Variants in FOCAD observed in about 807,000 individuals in gnomAD.
FOCAD encodes focadhesin.
Under a neutral mutation model 225.6 loss-of-function variants are expected in FOCAD, and 198 were observed. The observed-to-expected ratio is 0.88, with a 90% CI of 0.78 to 0.99. The LOEUF is 0.99. Among genes scored for constraint, FOCAD ranks in the 50% least tolerant of loss-of-function variants. The pLI, the probability that FOCAD is intolerant of heterozygous loss-of-function variation, is 0.00. For missense variants in FOCAD, 2,713 were observed against 2,123.6 expected (o/e 1.28, Z -5.46); for synonymous variants, 897 against 755.0 (o/e 1.19, Z -3.08).
upstream of FOCAD, among the ~76,000 whole-genome samples, chr9:20,656,074 T>C (rs573855507): frequency 7.7e-4 from 117 of 151,424 alleles, no homozygotes; most frequent in Admixed American, 1.4e-3. Flanking sequence ...AGTTTCCATG[T>C]AGTTGAGCGG....
At chr9:20,906,241 T>C (rs1400387068) in intron 21 of FOCAD, among the ~76,000 whole-genome samples, 1 of 152,040 alleles carries the variant, frequency 6.6e-6, no homozygotes, top group Non-Finnish European at 1.5e-5. Flanking sequence ...AGAATATTAA[T>C]TCTTATAATA....
intron 35 of FOCAD, chr9:20,957,573 C>T (rs567689079): frequency 7.2e-6 from 1 of 138,686 alleles, no homozygotes; most frequent in East Asian, 2.2e-4. Flanking sequence ...CTCCCAGGCT[C>T]AAGTGATTGG....
chr9:20,723,917 TACAGTCACGGTGGAAGGCAAAGA>T (rs1347704494), intron 4 of FOCAD, among the ~76,000 whole-genome samples: 2 of 152,140 alleles, frequency 1.3e-5, no homozygotes, highest in Non-Finnish European at 2.9e-5. Flanking sequence ...TCAGGAAGCT[TACAGTCACGGTGGAAGGCAAAGA>T]GGGAGCAGGC....
At chr9:20,984,001 C>T (rs1482343717) in intron 39 of FOCAD, among the ~76,000 whole-genome samples, 1 of 152,180 alleles carries the variant, frequency 6.6e-6, no homozygotes, top group East Asian at 1.9e-4. Context: ...TGCTGTTACT[C>T]GCTTGAGTTT....
chr9:20,846,305 C>T (rs1827104242), intron 15 of FOCAD, among the ~76,000 whole-genome samples: 1 of 152,106 alleles, frequency 6.6e-6, no homozygotes, highest in African/African-American at 2.4e-5. Context: ...TTAGGCTGCA[C>T]AGAATCAAAG....
chr9:20,657,054 T>C (rs1261607669), upstream of FOCAD, among the ~76,000 whole-genome samples: 6 of 152,198 alleles, frequency 3.9e-5, no homozygotes, highest in African/African-American at 1.2e-4. Context: ...TTTGGCTGGA[T>C]ATGAAATTCT....
At chr9:20,715,103 C>T (rs963163938) in intron 1 of FOCAD, among the ~76,000 whole-genome samples, 1 of 152,088 alleles carries the variant, frequency 6.6e-6, no homozygotes, top group Non-Finnish European at 1.5e-5. Flanking sequence ...TGGGAAAAAC[C>T]AAGAGCTGTT....
intron 5 of FOCAD, among the ~76,000 whole-genome samples, chr9:20,746,936 C>A (rs983035979): frequency 1.3e-5 from 2 of 152,126 alleles, no homozygotes; most frequent in Non-Finnish European, 2.9e-5. Flanking sequence ...GACGCTGTGT[C>A]CTTCTGAGGT....
intron 15 of FOCAD, among the ~76,000 whole-genome samples, chr9:20,827,256 G>C (rs1166102548): frequency 6.6e-6 from 1 of 151,974 alleles, no homozygotes; most frequent in African/African-American, 2.4e-5. Flanking sequence ...TTCTGTCTCT[G>C]TGGATTTACT....
chr9:20,752,700 T>G (rs1033063105), intron 5 of FOCAD, among the ~76,000 whole-genome samples: 10 of 152,276 alleles, frequency 6.6e-5, no homozygotes, highest in African/African-American at 2.4e-4. Context: ...GTGAAGAAAG[T>G]CATTGGTAGC....
intron 28 of FOCAD, 75 bp downstream of exon 28, chr9:20,933,178 T>C (rs887826930): frequency 2.3e-5 from 23 of 1,007,580 alleles, no homozygotes; most frequent in African/African-American, 6.5e-5. Context: ...TTGCATGCTA[T>C]GGAGAAATAT....
At chr9:20,912,998 G>C in intron 23 of FOCAD, 44 bp downstream of exon 23, 1 of 1,499,700 alleles carries the variant, frequency 6.7e-7, no homozygotes, top group Non-Finnish European at 9.3e-7. Context: ...CATGGGAAGT[G>C]AGCTATGAGG....
chr9:20,862,666 T>C lies in FOCAD; in HGVS notation c.2009T>C (p.Leu670Pro). The change falls in exon 16 of 44, where the codon CTA becomes CCA. Residue 670 changes from leucine (L) to proline (P), a missense_variant. Transcript: ENST00000338382. Reference protein sequence around the residue: ...RPLILKTLSELFSLVPSLTVN... With the variant: ...RPLILKTLSEPFSLVPSLTVN... The stretch of plus-strand genomic sequence containing the variant: ...CTCATTCTGAAGACACTGAGTGAAC[T>C]ATTTTCTCTAGTTCCTTCCTTAACG... 1.9e-6 allele frequency: 3 copies of C among 1,613,520 alleles called. No individual in the cohort carries two copies. Among genetic ancestry groups the C allele is most frequent in the Non-Finnish European group, 2.5e-6 (3 of 1,179,608 alleles).
At chr9:20,805,954 C>G (rs927704943) in intron 11 of FOCAD, among the ~76,000 whole-genome samples, 1 of 152,186 alleles carries the variant, frequency 6.6e-6, no homozygotes, top group Non-Finnish European at 1.5e-5. Context: ...TGCACTGTTG[C>G]TAGGCAACTC....
rs565712962 is a variant in FOCAD at position 20,984,857 on chromosome 9, G to C, written c.4729-1431G>C. Among the ~76,000 whole-genome samples, 64 of 152,294 alleles carry C rather than the reference G, an allele frequency of 4.2e-4. No individual in the cohort carries two copies. The South Asian group carries it at 5.8e-3, about 14-fold the overall frequency. On this transcript the variant is annotated intron_variant, in intron 39 of 43. Transcript: ENST00000338382. ...ACTTTGTCTCCCAGCCTGGAATGCA[G>C]TGGCATGATCTCAACTCACTGCAAC...
chr9:20,754,662 C>T (rs1018013469), intron 5 of FOCAD, among the ~76,000 whole-genome samples: 2 of 151,924 alleles, frequency 1.3e-5, no homozygotes, highest in African/African-American at 2.4e-5. Flanking sequence ...CAATTTTGTC[C>T]TCCAGGGGAT....
chr9:20,813,133 G>A (rs952625782), intron 11 of FOCAD, among the ~76,000 whole-genome samples: 4 of 152,024 alleles, frequency 2.6e-5, no homozygotes, highest in African/African-American at 9.7e-5. Flanking sequence ...TCCTTCCGTG[G>A]CTTATTTCAC....
intron 35 of FOCAD, among the ~76,000 whole-genome samples, chr9:20,960,475 T>G (rs181131052): frequency 1.3e-5 from 2 of 152,226 alleles, no homozygotes; most frequent in Non-Finnish European, 2.9e-5. Flanking sequence ...ACAAATATTC[T>G]ATTTTCATCC....
At chr9:20,929,288 T>C in intron 26 of FOCAD, 70 bp from the exon 27 acceptor site, 2 of 1,208,050 alleles carry the variant, frequency 1.7e-6, no homozygotes, top group Non-Finnish European at 2.4e-6. Flanking sequence ...GGTTGTATAG[T>C]GCTTTTATGA....
Sources: allele counts gnomAD v4.1 joint callset (sites outside exome capture counted in the v4.1 genomes callset), GRCh38; gene constraint gnomAD v4.1.1; transcripts MANE v1.5; gene names NCBI Gene and HGNC (gene_info 2026-07-23, HGNC 2026-07-21).